The following DUSP14 variants were observed in gnomAD, a reference collection of about 807,000 sequenced individuals.
DUSP14 encodes the protein dual specificity protein phosphatase 14.
DUSP14 carries 5 observed loss-of-function variants against 13.2 expected under a neutral mutation model. That is an observed-to-expected ratio of 0.38 (90% CI 0.20 to 0.80). The LOEUF is 0.80. Among genes scored for constraint, DUSP14 ranks in the 30% least tolerant of loss-of-function variants. DUSP14 has a pLI of 0.44. For synonymous variants in DUSP14, 91 were observed against 103.4 expected (o/e 0.88, Z 0.73); for missense variants, 185 against 264.0 (o/e 0.70, Z 2.07).
chr17:37,503,149 C>T (rs957610345), intron 1 of DUSP14, among the ~76,000 whole-genome samples: 1 of 152,076 alleles, frequency 6.6e-6, no homozygotes, highest in African/African-American at 2.4e-5. Flanking sequence ...TAGGGTCTGG[C>T]CACAGTGGCT....
At chr17:37,500,621 A>T (rs745595431) in intron 1 of DUSP14, among the ~76,000 whole-genome samples, 1 of 152,228 alleles carries the variant, frequency 6.6e-6, no homozygotes, top group Non-Finnish European at 1.5e-5. Context: ...GTTCTGAGTT[A>T]CATAAATAAC....
At chr17:37,500,921 C>A (rs1056085207) in intron 1 of DUSP14, among the ~76,000 whole-genome samples, 1 of 152,136 alleles carries the variant, frequency 6.6e-6, no homozygotes, top group African/African-American at 2.4e-5. Flanking sequence ...TCCTTTCTTG[C>A]TGCAGTTTCC....
At chr17:37,492,274 G>A (rs1209265553) in intron 1 of DUSP14, among the ~76,000 whole-genome samples, 1 of 152,146 alleles carries the variant, frequency 6.6e-6, no homozygotes, top group Non-Finnish European at 1.5e-5. Context: ...CTATTGTCTT[G>A]TCTTTGCTTA....
chr17:37,492,877 A>T (rs1416228157), intron 1 of DUSP14, among the ~76,000 whole-genome samples: 1 of 152,014 alleles, frequency 6.6e-6, no homozygotes, highest in African/African-American at 2.4e-5. Flanking sequence ...TCTTTTCTAT[A>T]GTTTTTATCC....
chr17:37,508,734 A>T lies in DUSP14; in HGVS notation c.-180-1943A>T, dbSNP rs574814542. On this transcript the variant is annotated intron_variant, in intron 1 of 2. Coordinates refer to ENST00000617516, the MANE Select transcript of DUSP14 (RefSeq NM_007026.4). ...GGGTGACAGAGCCAGACTCCATCTC[A>T]ATATATATATATATATATGTATGTA... Among the ~76,000 whole-genome samples, 736 of 144,158 alleles carry T rather than the reference A, an allele frequency of 5.1e-3. 9 individuals are homozygous for T. The highest frequency in any genetic ancestry group is 0.018 in the African/African-American group (698 of 39,406). The allele number at this position is 144,158 out of a possible 152,430, so 94.6% of individuals were successfully genotyped here.
Position 37,512,241 on chromosome 17 carries a change from C to T in DUSP14, c.-32C>T. 1 of 1,547,080 alleles carries T rather than the reference C, an allele frequency of 6.5e-7. No homozygotes were observed. Among genetic ancestry groups the T allele is most frequent in the African/African-American group, 1.4e-5 (1 of 72,910 alleles). ...AAAATAAAACACTCTGGTCTTGCCG[C>T]CAACGATGCAAGTGTGACTGCTGGC... On this transcript the variant is annotated 5_prime_UTR_variant, in exon 3 of 3. Transcript: ENST00000617516. The surrounding 1 kb of genome is among the most constrained non-coding windows in gnomAD (Gnocchi z 4.8).
At chr17:37,497,719 C>G (rs1199784912) in intron 1 of DUSP14, among the ~76,000 whole-genome samples, 1 of 150,614 alleles carries the variant, frequency 6.6e-6, no homozygotes, top group Non-Finnish European at 1.5e-5. Flanking sequence ...ATGATTGTGC[C>G]ACTGTGCTCC....
Position 37,513,141 on chromosome 17 carries a change from AT to A in DUSP14, c.*273del. The A allele has an allele frequency of 2.1e-6, 1 of 481,482 alleles. No homozygotes were observed. Among genetic ancestry groups the A allele is most frequent in the Non-Finnish European group, 3.8e-6 (1 of 263,584 alleles). 29.8% of individuals were successfully genotyped at this position (481,482 alleles called of 1,614,324 possible). On this transcript the variant is annotated 3_prime_UTR_variant, in exon 3 of 3. Transcript: ENST00000617516. The stretch of plus-strand genomic sequence containing the variant: ...CATTTTTACCAATTTGAACAGTTTA[AT>A]AAACTGGTTCTGCTCTCTTCTGAAT...
intron 1 of DUSP14, among the ~76,000 whole-genome samples, chr17:37,505,221 T>A (rs2143099227): frequency 6.6e-6 from 1 of 152,234 alleles, no homozygotes; most frequent in Admixed American, 6.5e-5. Context: ...GGATTATCAT[T>A]TTCATTACTA....
chr17:37,490,219 CCGCCG>C (rs919448263), intron 1 of DUSP14, among the ~76,000 whole-genome samples: 15 of 147,474 alleles, frequency 1.0e-4, no homozygotes, highest in African/African-American at 2.5e-4. Flanking sequence ...TGCCGCTCCC[CCGCCG>C]CGCCGCGCCG....
intron 1 of DUSP14, among the ~76,000 whole-genome samples, chr17:37,499,277 A>G (rs2054089487): frequency 6.6e-6 from 1 of 152,202 alleles, no homozygotes; most frequent in African/African-American, 2.4e-5. Flanking sequence ...ATTCAAGGTG[A>G]GATTTGAGTG....
At chr17:37,503,332 G>A (rs1294896520) in intron 1 of DUSP14, among the ~76,000 whole-genome samples, 1 of 152,180 alleles carries the variant, frequency 6.6e-6, no homozygotes. Flanking sequence ...AGGCTGAGGT[G>A]GGAGGATCAC....
chr17:37,489,232 C>G (rs1290530414), upstream of DUSP14, among the ~76,000 whole-genome samples: 1 of 152,130 alleles, frequency 6.6e-6, no homozygotes, highest in Admixed American at 6.5e-5. Flanking sequence ...CTCGGGGACT[C>G]GGGAGGTGGG....
chr17:37,506,138 A>C (rs1315468060), intron 1 of DUSP14, among the ~76,000 whole-genome samples: 6 of 151,890 alleles, frequency 4.0e-5, no homozygotes, highest in African/African-American at 1.5e-4. Context: ...GGTGGCATGC[A>C]CCTGTAATCC....
chr17:37,510,923 G>A (rs1162574692), intron 2 of DUSP14, among the ~76,000 whole-genome samples, 159 bp downstream of exon 2: 2 of 151,792 alleles, frequency 1.3e-5, no homozygotes, highest in African/African-American at 2.4e-5. Flanking sequence ...TTTGGTGAGA[G>A]GAACGGATGT....
intron 1 of DUSP14, among the ~76,000 whole-genome samples, chr17:37,504,130 G>T (rs927787535): frequency 6.6e-6 from 1 of 152,164 alleles, no homozygotes; most frequent in African/African-American, 2.4e-5. Context: ...GGAGGTGGAG[G>T]TTGCGGTGAG....
intron 2 of DUSP14, among the ~76,000 whole-genome samples, chr17:37,511,046 A>T (rs1223131356): frequency 6.6e-6 from 1 of 152,032 alleles, no homozygotes; most frequent in African/African-American, 2.4e-5. Flanking sequence ...TTAATAGCAA[A>T]CACTGGAATA....
chr17:37,503,736 T>C (rs1446175418), intron 1 of DUSP14, among the ~76,000 whole-genome samples: 2 of 152,236 alleles, frequency 1.3e-5, no homozygotes, highest in Non-Finnish European at 2.9e-5. Flanking sequence ...CTCTACTCTT[T>C]CTGTTTCCAA....
In DUSP14 at chr17:37,491,408, A is replaced by G. The variant is rs535339173; in HGVS notation, c.-181+1450A>G. Reference sequence around the variant, plus strand: ...CGAGGGTTGCCACGAGGAGGTAGGAAGGAGCCCTGCACAGGAGGCTTGACA... The same window carrying G: ...CGAGGGTTGCCACGAGGAGGTAGGAGGGAGCCCTGCACAGGAGGCTTGACA... On this transcript the variant is annotated intron_variant, in intron 1 of 2. Transcript: ENST00000617516. The G allele has an allele frequency of 3.3e-5, 5 of 152,398 alleles. No homozygotes were observed. The East Asian group carries it at 9.6e-4, about 29-fold the overall frequency. The allele number at this position is 152,398 out of a possible 1,614,324, so 9.4% of individuals were successfully genotyped here. A position where few individuals can be genotyped will look rare whatever the true frequency, so the allele number is the denominator to read the frequency against.
Sources: gnomAD v4.1 joint callset for allele counts (sites outside exome capture counted in the v4.1 genomes callset) on GRCh38, gnomAD v4.1.1 for gene constraint, Gnocchi (gnomAD v3.1) non-coding constraint, MANE v1.5 for transcripts, NCBI Gene and HGNC (gene_info 2026-07-23, HGNC 2026-07-21) for gene names.